PLXDC2: variants seen among roughly 807,000 people sequenced by gnomAD.
PLXDC2 encodes the protein plexin domain-containing protein 2.
PLXDC2 carries 40 observed loss-of-function variants against 68.9 expected under a neutral mutation model. The ratio of observed to expected loss-of-function variants is 0.58; its 90% CI spans 0.45 to 0.76. The LOEUF (loss-of-function observed/expected upper bound fraction) is 0.76, where lower values mean the gene tolerates loss of function less well. Among genes scored for constraint, PLXDC2 ranks in the 30% least tolerant of loss-of-function variants. PLXDC2 has a pLI of 0.00. For missense variants in PLXDC2, 644 were observed against 661.9 expected (o/e 0.97, Z 0.30); for synonymous variants, 243 against 234.2 (o/e 1.04, Z -0.34).
chr10:19,822,446 T>C (rs1329408674), intron 1 of PLXDC2, among the ~76,000 whole-genome samples: 1 of 152,122 alleles, frequency 6.6e-6, no homozygotes, highest in African/African-American at 2.4e-5. Flanking sequence ...GGAGTGAAGA[T>C]ACCTCTTAAA....
Position 20,107,325 on chromosome 10 carries a change from G to T in PLXDC2, c.542-35970G>T, listed in dbSNP as rs371062679. Among the ~76,000 whole-genome samples, 257 of 152,036 alleles carry T rather than the reference G, an allele frequency of 1.7e-3. 1 individual carries two copies. Among genetic ancestry groups the T allele is most frequent in the African/African-American group, 5.1e-3 (213 of 41,496 alleles). On this transcript the variant is annotated intron_variant, in intron 4 of 13. Coordinates refer to ENST00000377252, the MANE Select transcript of PLXDC2 (RefSeq NM_032812.9). ...AGAAACTGTGTCTGTGTTGTTTCCC[G>T]TTATCCATCTAGTCCTTCCACAAAT...
intron 6 of PLXDC2, among the ~76,000 whole-genome samples, chr10:20,149,431 G>A (rs1243220978): frequency 6.6e-6 from 1 of 151,452 alleles, no homozygotes; most frequent in African/African-American, 2.4e-5. Flanking sequence ...TAGAGACGGG[G>A]TTTCTCCATG....
intron 1 of PLXDC2, among the ~76,000 whole-genome samples, chr10:19,927,389 TAG>T (rs1399787368): frequency 1.3e-5 from 2 of 151,912 alleles, no homozygotes; most frequent in Non-Finnish European, 2.9e-5. Context: ...GAAATCCAGG[TAG>T]AGAGACAAAT....
intron 12 of PLXDC2, among the ~76,000 whole-genome samples, chr10:20,226,328 G>A (rs915981270): frequency 1.3e-5 from 2 of 152,204 alleles, no homozygotes; most frequent in Non-Finnish European, 2.9e-5. Flanking sequence ...TATTGTTGGT[G>A]TTAGTGTATT....
chr10:20,158,738 A>G (rs1162258067), intron 6 of PLXDC2, among the ~76,000 whole-genome samples: 2 of 151,950 alleles, frequency 1.3e-5, no homozygotes, highest in Non-Finnish European at 2.9e-5. Context: ...CCTTTTAATA[A>G]TATAGTCTCT....
At chr10:20,142,103 A>G (rs2131789547) in intron 4 of PLXDC2, among the ~76,000 whole-genome samples, 1 of 152,250 alleles carries the variant, frequency 6.6e-6, no homozygotes. Flanking sequence ...ACTTACCTAG[A>G]CATCACAATT....
chr10:19,916,433 G>A (rs1399604065), intron 1 of PLXDC2, among the ~76,000 whole-genome samples: 1 of 151,552 alleles, frequency 6.6e-6, no homozygotes, highest in Non-Finnish European at 1.5e-5. Context: ...ACAGGTGTGA[G>A]CCATCGTGCC....
At chr10:19,931,305 C>T (rs1833628610) in intron 1 of PLXDC2, among the ~76,000 whole-genome samples, 1 of 152,214 alleles carries the variant, frequency 6.6e-6, no homozygotes. Context: ...CCACTCTCAC[C>T]TCTGAATGCT....
intron 13 of PLXDC2, among the ~76,000 whole-genome samples, chr10:20,247,347 C>G (rs984377442): frequency 2.6e-5 from 4 of 151,276 alleles, no homozygotes; most frequent in Non-Finnish European, 1.5e-5. Flanking sequence ...CATGGTGGCA[C>G]ATGCCTGTAG....
At chr10:20,000,074 C>A (rs1433181812) in intron 1 of PLXDC2, among the ~76,000 whole-genome samples, 2 of 152,136 alleles carry the variant, frequency 1.3e-5, no homozygotes. Context: ...AGACTGTCAA[C>A]AATTCATTCG....
chr10:19,823,069 C>A (rs1385574208), intron 1 of PLXDC2, among the ~76,000 whole-genome samples: 1 of 152,066 alleles, frequency 6.6e-6, no homozygotes, highest in Non-Finnish European at 1.5e-5. Flanking sequence ...GCACCCGCCA[C>A]CACGCCCAGC....
At chr10:20,004,088 A>C (rs1212693358) in intron 2 of PLXDC2, among the ~76,000 whole-genome samples, 2 of 152,220 alleles carry the variant, frequency 1.3e-5, no homozygotes, top group African/African-American at 4.8e-5. Flanking sequence ...TTAAGAAAAA[A>C]AACTCAGTTT....
intron 12 of PLXDC2, among the ~76,000 whole-genome samples, chr10:20,230,046 A>G (rs1256692634): frequency 6.6e-6 from 1 of 152,204 alleles, no homozygotes. Flanking sequence ...CATATAACAG[A>G]TGAACACAAA....
At chr10:20,086,991 A>T (rs1284749960) in intron 4 of PLXDC2, among the ~76,000 whole-genome samples, 1 of 152,214 alleles carries the variant, frequency 6.6e-6, no homozygotes, top group African/African-American at 2.4e-5. Context: ...ATTTTAAAGG[A>T]TAAAGAATAC....
At chr10:20,109,543 C>A (rs928781228) in intron 4 of PLXDC2, among the ~76,000 whole-genome samples, 6 of 152,144 alleles carry the variant, frequency 3.9e-5, no homozygotes, top group Non-Finnish European at 8.8e-5. Flanking sequence ...CTAGGACATT[C>A]TGCTCCAGTG....
At chr10:20,011,311 T>G (rs1299559313) in intron 2 of PLXDC2, among the ~76,000 whole-genome samples, 1 of 152,152 alleles carries the variant, frequency 6.6e-6, no homozygotes, top group African/African-American at 2.4e-5. Context: ...AGAGTGCTGC[T>G]GGATGCACCC....
intron 1 of PLXDC2, among the ~76,000 whole-genome samples, chr10:19,913,204 G>C (rs1319158394): frequency 6.6e-6 from 1 of 152,118 alleles, no homozygotes; most frequent in African/African-American, 2.4e-5. Context: ...CTGGTGGGAG[G>C]TGATTGGATC....
intron 1 of PLXDC2, among the ~76,000 whole-genome samples, chr10:19,948,126 TCTA>T (rs1475691947): frequency 2.0e-5 from 3 of 152,204 alleles, no homozygotes; most frequent in Non-Finnish European, 4.4e-5. Flanking sequence ...AACTGTCATT[TCTA>T]CTACAATTCT....
At chr10:19,831,695 G>C (rs978703622) in intron 1 of PLXDC2, among the ~76,000 whole-genome samples, 10 of 152,132 alleles carry the variant, frequency 6.6e-5, no homozygotes, top group African/African-American at 2.2e-4. Context: ...TTGGTTTTCT[G>C]TTCGTGCATT....
Sources: gnomAD v4.1 joint callset for allele counts (sites outside exome capture counted in the v4.1 genomes callset) on GRCh38, gnomAD v4.1.1 for gene constraint, MANE v1.5 for transcripts, NCBI Gene and HGNC (gene_info 2026-07-23, HGNC 2026-07-21) for gene names.